QSOX1: variants seen among roughly 807,000 people sequenced by gnomAD.
QSOX1 encodes the protein quiescin sulfhydryl oxidase 1.
Under a neutral mutation model 76.1 loss-of-function variants are expected in QSOX1, and 40 were observed. The observed-to-expected ratio is 0.53, with a 90% CI of 0.41 to 0.68. QSOX1 has a LOEUF of 0.68. Ranked by LOEUF, QSOX1 falls within the 30% of genes least tolerant of loss-of-function variation. The pLI, the probability that QSOX1 is intolerant of heterozygous loss-of-function variation, is 0.00. For missense variants in QSOX1, 931 were observed against 974.3 expected, an observed-to-expected ratio of 0.96 and a Z score of 0.59; for synonymous variants, 392 against 413.1, an observed-to-expected ratio of 0.95 and a Z score of 0.62.
At chr1:180,170,421 T>C (rs914872746) in intron 2 of QSOX1, among the ~76,000 whole-genome samples, 1 of 152,160 alleles carries the variant, frequency 6.6e-6, no homozygotes, top group African/African-American at 2.4e-5. Context: ...TAAAACGTTA[T>C]AAAAGCTGGA....
intron 1 of QSOX1, among the ~76,000 whole-genome samples, chr1:180,158,377 A>C (rs1393334027): frequency 1.3e-5 from 2 of 152,212 alleles, no homozygotes; most frequent in Non-Finnish European, 2.9e-5. Flanking sequence ...GATTCCCAGC[A>C]CAGAGCCTGG....
At position 180,194,384 on chromosome 1, in the gene QSOX1, G is replaced by C; in HGVS notation, c.1460G>C (p.Arg487Pro). 6.5e-7 allele frequency: 1 copy of C among 1,548,592 alleles called. No homozygotes were observed. Among genetic ancestry groups the C allele is most frequent in the Non-Finnish European group, 8.8e-7 (1 of 1,139,588 alleles). ...TCTAGCCACAACAGGGTCAATGCTC[G>C]CCTTGCAGGTAAGGAAGGACCATCC... ...LWSSHNRVNARLAGAPSEDPQ... is the reference protein window; with the variant it reads ...LWSSHNRVNAPLAGAPSEDPQ... Residue 487 changes from arginine to proline, a missense_variant, in exon 11 of 12, where the codon CGC becomes CCC. Arg to Pro is a moderately radical substitution (Grantham distance 103). Transcript: ENST00000367602.
chr1:180,173,786 A>G (rs1241335125), intron 2 of QSOX1, among the ~76,000 whole-genome samples: 1 of 152,216 alleles, frequency 6.6e-6, no homozygotes, highest in African/African-American at 2.4e-5. Flanking sequence ...TGGTACAGTT[A>G]ACATGTACCA....
At chr1:180,181,724 A>C (rs950444240) in intron 5 of QSOX1, among the ~76,000 whole-genome samples, 1 of 152,204 alleles carries the variant, frequency 6.6e-6, no homozygotes, top group Non-Finnish European at 1.5e-5. Context: ...TTCCCTTTAG[A>C]AAAATGTTAT....
chr1:180,175,204 T>G lies in QSOX1; in HGVS notation c.367-117T>G, dbSNP rs536367098. The G allele has an allele frequency of 2.2e-4, 199 of 914,474 alleles. 6 individuals carry two copies. In the South Asian group the frequency reaches 2.6e-3, roughly 12 times the overall value. 56.6% of individuals were successfully genotyped at this position (914,474 alleles called of 1,614,324 possible). A position where few individuals can be genotyped will look rare whatever the true frequency, so the allele number is the denominator to read the frequency against. ...AAAAAAGAAACAGGCTCAACAACAT[T>G]AAGTGATTTGCCCAGCCACCGCATT... On this transcript the variant is annotated intron_variant, in intron 2 of 11. Coordinates refer to ENST00000367602, the MANE Select transcript of QSOX1 (RefSeq NM_002826.5).
chr1:180,191,141 G>A (rs928797186), intron 10 of QSOX1, among the ~76,000 whole-genome samples: 1 of 152,206 alleles, frequency 6.6e-6, no homozygotes, highest in African/African-American at 2.4e-5. Flanking sequence ...CTGAAAGGAT[G>A]CGCATCCAAT....
At chr1:180,172,905 C>CA (rs1558186420) in intron 2 of QSOX1, among the ~76,000 whole-genome samples, 1 of 151,894 alleles carries the variant, frequency 6.6e-6, no homozygotes, top group South Asian at 2.1e-4. Flanking sequence ...TGGTTGATGA[C>CA]AAAAAAATGA....
intron 5 of QSOX1, among the ~76,000 whole-genome samples, chr1:180,181,963 CTGG>C (rs1235584106): frequency 6.6e-6 from 1 of 152,256 alleles, no homozygotes. Flanking sequence ...GCCTCTCCTC[CTGG>C]GCAGTGATTG....
intron 5 of QSOX1, among the ~76,000 whole-genome samples, chr1:180,179,248 G>A (rs182676624): frequency 2.0e-5 from 3 of 152,226 alleles, no homozygotes; most frequent in Non-Finnish European, 2.9e-5. Context: ...AACCAGGTCC[G>A]TCTGGCTCCA....
intron 11 of QSOX1, among the ~76,000 whole-genome samples, chr1:180,195,459 A>G (rs540837358): frequency 6.6e-6 from 1 of 152,242 alleles, no homozygotes; most frequent in African/African-American, 2.4e-5. Context: ...TGTAGTCAAC[A>G]ACTTGTCCCC....
intron 1 of QSOX1, among the ~76,000 whole-genome samples, chr1:180,161,794 G>T (rs1374516681): frequency 6.6e-6 from 1 of 152,136 alleles, no homozygotes; most frequent in Non-Finnish European, 1.5e-5. Context: ...AATTCTTGTT[G>T]TGCTTGATCT....
At chr1:180,172,018 C>A (rs1662770193) in intron 2 of QSOX1, among the ~76,000 whole-genome samples, 1 of 152,104 alleles carries the variant, frequency 6.6e-6, no homozygotes, top group Non-Finnish European at 1.5e-5. Flanking sequence ...ACGGCTTCAA[C>A]TGAGGGTTGT....
Position 180,182,182 on chromosome 1 carries a change from G to A in QSOX1, c.615G>A (p.Leu205=). 1 of 1,614,208 alleles carries A rather than the reference G, an allele frequency of 6.2e-7. No individual in the cohort carries two copies. Among genetic ancestry groups the A allele is most frequent in the South Asian group, 1.1e-5 (1 of 91,082 alleles). The change falls in exon 6 of 12, where the codon CTG becomes CTA. Residue 205 remains leucine, a synonymous_variant. Coordinates refer to ENST00000367602, the MANE Select transcript of QSOX1 (RefSeq NM_002826.5). ...GGSYLGREVA[L]DLSQHKGVAV... ...TTCTGCTGTCCCTGCAGGTGGCTCT[G>A]GACCTGTCCCAGCACAAAGGCGTGG...
intron 2 of QSOX1, 103 bp from the exon 3 acceptor site, chr1:180,175,218 A>T: frequency 9.6e-7 from 1 of 1,042,550 alleles, no homozygotes; most frequent in Non-Finnish European, 1.5e-6. Context: ...TGATTTGCCC[A>T]GCCACCGCAT....
intron 1 of QSOX1, among the ~76,000 whole-genome samples, chr1:180,162,761 C>CA (rs1280293769): frequency 2.0e-5 from 3 of 151,690 alleles, no homozygotes; most frequent in Non-Finnish European, 2.9e-5. Context: ...AAAAGCAAAA[C>CA]AAAAAAAATC....
chr1:180,181,016 A>C (rs60979333), intron 5 of QSOX1, among the ~76,000 whole-genome samples: 21,110 of 152,136 alleles, frequency 0.14, 1,630 homozygotes, highest in Middle Eastern at 0.21. Context: ...CAGGATTCCA[A>C]TGCAGGCAAC....
chr1:180,186,155 GAAAA>G lies in QSOX1; in HGVS notation c.992_995del (p.Lys331SerfsTer15). 6.2e-7 allele frequency: 1 copy of G among 1,613,844 alleles called. No individual in the cohort carries two copies. The highest frequency in any genetic ancestry group is 1.1e-5 in the South Asian group (1 of 91,050). ...TGGAAGGGCAGCGCCTGGTGGCCCT[GAAAA>G]AGTTTGTGGCAGTGCTGGCCAAGGT... On this transcript the variant is annotated frameshift_variant, in exon 8 of 12. Transcript: ENST00000367602. LOFTEE classifies it high-confidence loss of function.
Position 180,186,159 on chromosome 1 carries a change from A to C in QSOX1, c.994A>C (p.Lys332Gln), listed in dbSNP as rs1214226905. Residue 332 changes from lysine to glutamine, a missense_variant, in exon 8 of 12, where the codon AAG (lysine) becomes CAG (glutamine). Coordinates refer to ENST00000367602, the MANE Select transcript of QSOX1 (RefSeq NM_002826.5). The stretch of plus-strand genomic sequence containing the variant: ...AGGGCAGCGCCTGGTGGCCCTGAAA[A>C]AGTTTGTGGCAGTGCTGGCCAAGGT... ...LEGQRLVALK[K>Q]FVAVLAKYFP... 2 of 1,613,638 alleles carry C rather than the reference A, an allele frequency of 1.2e-6. No individual in the cohort carries two copies. The highest frequency in any genetic ancestry group is 1.7e-6 in the Non-Finnish European group (2 of 1,179,890).
Position 180,190,499 on chromosome 1 carries a change from T to C in QSOX1, c.1207T>C (p.Phe403Leu). ...GGGGAGTGAGCCGCATTTCCGGGGC[T>C]TTCCCTGCTCCCTGTGGGTCCTCTT... ...CQGSEPHFRG[F>L]PCSLWVLFHF... The change falls in exon 10 of 12, where the codon TTT becomes CTT. Residue 403 changes from phenylalanine (F) to leucine (L), a missense_variant. Transcript: ENST00000367602. 1 of 1,614,200 alleles carries C rather than the reference T, an allele frequency of 6.2e-7. No individual in the cohort carries two copies. The highest frequency in any genetic ancestry group is 8.5e-7 in the Non-Finnish European group (1 of 1,180,000).
Sources: gnomAD v4.1 joint callset for allele counts (sites outside exome capture counted in the v4.1 genomes callset) on GRCh38, gnomAD v4.1.1 for gene constraint, MANE v1.5 for transcripts, NCBI Gene and HGNC (gene_info 2026-07-23, HGNC 2026-07-21) for gene names.